Variants in TMEM117 observed in about 807,000 individuals in gnomAD.
The protein encoded by TMEM117 is transmembrane protein 117.
A neutral mutation model predicts 52.4 loss-of-function variants in TMEM117; 27 were observed. The observed-to-expected ratio is 0.51, with a 90% CI of 0.38 to 0.71. TMEM117 has a LOEUF of 0.71. Among genes scored for constraint, TMEM117 ranks in the 30% least tolerant of loss-of-function variants. The pLI is 0.00. For missense variants in TMEM117, 556 were observed against 630.5 expected (o/e 0.88, Z 1.26); for synonymous variants, 215 against 206.3 (o/e 1.04, Z -0.36).
Position 43,839,587 on chromosome 12 carries a change from C to T in TMEM117, c.-29+3391C>T, listed in dbSNP as rs1010934549. Among the ~76,000 whole-genome samples, 82 of 152,172 alleles carry T rather than the reference C, an allele frequency of 5.4e-4. 2 individuals carry two copies. The highest frequency in any genetic ancestry group is 5.9e-5 in the Non-Finnish European group (4 of 68,042). On this transcript the variant is annotated intron_variant, in intron 1 of 7. Coordinates refer to ENST00000266534, the MANE Select transcript of TMEM117 (RefSeq NM_032256.3). ...ACCTTATAATGAGGTCTTCAACTTC[C>T]CTCACACCTGACACTCCCTGTTAAC...
chr12:43,827,883 G>A, the TMEM117 span, among the ~76,000 whole-genome samples: 2 of 152,170 alleles, frequency 1.3e-5, no homozygotes, highest in African/African-American at 2.4e-5. Context: ...GCCTTTCTAA[G>A]AGAAGATAGA....
Position 43,992,793 on chromosome 12 carries a change from T to C in TMEM117, c.410+48451T>C, listed in dbSNP as rs73286234. Among the ~76,000 whole-genome samples the C allele has an allele frequency of 5.9e-3, 906 of 152,286 alleles. 11 individuals are homozygous for C. The highest frequency in any genetic ancestry group is 0.021 in the African/African-American group (853 of 41,566). On this transcript the variant is annotated intron_variant, in intron 3 of 7. Coordinates refer to ENST00000266534, the MANE Select transcript of TMEM117 (RefSeq NM_032256.3). ...CTTTCCTCAGGCTATGTTCGACTCA[T>C]CATTCAAGGTTTGGTTTATATGCCA...
chr12:43,922,122 A>T (rs4238093), intron 2 of TMEM117, among the ~76,000 whole-genome samples: 2 of 151,972 alleles, frequency 1.3e-5, no homozygotes, highest in Non-Finnish European at 1.5e-5. Flanking sequence ...AGTGAGTCAG[A>T]TATGTCTTAC....
the TMEM117 span, chr12:43,800,442 G>C: frequency 6.2e-7 from 1 of 1,611,472 alleles, no homozygotes; most frequent in Non-Finnish European, 8.5e-7. Flanking sequence ...TACCTTTACT[G>C]TTCCAAATAC....
intron 3 of TMEM117, among the ~76,000 whole-genome samples, chr12:44,126,878 C>T (rs754657488): frequency 6.6e-6 from 1 of 152,154 alleles, no homozygotes; most frequent in Non-Finnish European, 1.5e-5. Flanking sequence ...ATAAATAATT[C>T]TAGTGCAGGA....
At chr12:43,987,820 T>C (rs890300700) in intron 3 of TMEM117, among the ~76,000 whole-genome samples, 1 of 152,196 alleles carries the variant, frequency 6.6e-6, no homozygotes, top group Non-Finnish European at 1.5e-5. Context: ...TTCTGAGCTC[T>C]GTAATATCTG....
At chr12:43,858,201 T>A (rs188988400) in intron 2 of TMEM117, among the ~76,000 whole-genome samples, 1 of 152,334 alleles carries the variant, frequency 6.6e-6, no homozygotes, top group Non-Finnish European at 1.5e-5. Flanking sequence ...ACAGGGTTGA[T>A]CTGCCTGCCT....
At chr12:44,314,411 G>A (rs1951028544) in intron 6 of TMEM117, among the ~76,000 whole-genome samples, 1 of 152,058 alleles carries the variant, frequency 6.6e-6, no homozygotes, top group African/African-American at 2.4e-5. Flanking sequence ...TTAGTTTTGT[G>A]TGTTGAACCA....
chr12:43,965,119 A>G (rs1945464096), intron 3 of TMEM117, among the ~76,000 whole-genome samples: 1 of 152,236 alleles, frequency 6.6e-6, no homozygotes, highest in South Asian at 2.1e-4. Flanking sequence ...GTAATGTTAC[A>G]GTGTGAGTGA....
At chr12:44,000,820 G>T (rs1056844119) in intron 3 of TMEM117, among the ~76,000 whole-genome samples, 13 of 152,206 alleles carry the variant, frequency 8.5e-5, no homozygotes, top group Non-Finnish European at 1.6e-4. Context: ...GGGCTGAGTT[G>T]CAGAGGGCCA....
chr12:44,061,177 G>A (rs888090063), intron 3 of TMEM117, among the ~76,000 whole-genome samples: 1 of 152,180 alleles, frequency 6.6e-6, no homozygotes, highest in Non-Finnish European at 1.5e-5. Flanking sequence ...AAACAGCAGA[G>A]GACATATATT....
At chr12:43,807,680 T>C in the TMEM117 span, among the ~76,000 whole-genome samples, 1 of 152,322 alleles carries the variant, frequency 6.6e-6, no homozygotes, top group Admixed American at 6.5e-5. Flanking sequence ...TCCATATTCG[T>C]GCTTGGGAAA....
intron 3 of TMEM117, among the ~76,000 whole-genome samples, chr12:44,129,753 A>C (rs193038981): frequency 1.2e-4 from 19 of 152,338 alleles, no homozygotes; most frequent in Non-Finnish European, 2.5e-4. Context: ...AAGCTTAGTC[A>C]GTTAGAATGC....
At chr12:44,361,590 A>G (rs1291528297) in intron 6 of TMEM117, among the ~76,000 whole-genome samples, 1 of 152,146 alleles carries the variant, frequency 6.6e-6, no homozygotes, top group Non-Finnish European at 1.5e-5. Flanking sequence ...TCAAACAACC[A>G]AATGGTTTTT....
intron 3 of TMEM117, among the ~76,000 whole-genome samples, chr12:44,081,454 A>G (rs2138014119): frequency 6.6e-6 from 1 of 152,264 alleles, no homozygotes; most frequent in Middle Eastern, 3.4e-3. Context: ...AGGCAGTATT[A>G]AACATATATG....
At chr12:43,954,735 C>T (rs1274641669) in intron 3 of TMEM117, among the ~76,000 whole-genome samples, 1 of 152,196 alleles carries the variant, frequency 6.6e-6, no homozygotes, top group Non-Finnish European at 1.5e-5. Context: ...TCTTCTGAAA[C>T]TATTCCAAAC....
rs1478578521 is a variant in TMEM117, at chr12:44,211,298, T to C, written c.519T>C (p.Asp173=). The change falls in exon 5 of 8, where the codon GAT becomes GAC. Residue 173 remains aspartate, a synonymous_variant. Transcript: ENST00000266534. ...GDFVTAWMVT[D]MMLQDKPYPD... is the part of the protein sequence containing the mutation. Reference sequence around the variant, plus strand: ...TCCTTTCATTGCTTCAGGTCACTGATATGATGCTTCAGGACAAACCCTATC... The same window carrying C: ...TCCTTTCATTGCTTCAGGTCACTGACATGATGCTTCAGGACAAACCCTATC... 6.2e-7 allele frequency: 1 copy of C among 1,609,724 alleles called. No individual in the cohort carries two copies. Among genetic ancestry groups the C allele is most frequent in the Non-Finnish European group, 8.5e-7 (1 of 1,177,950 alleles).
chr12:44,249,404 G>A (rs1950170586), intron 5 of TMEM117, among the ~76,000 whole-genome samples: 1 of 152,084 alleles, frequency 6.6e-6, no homozygotes, highest in Non-Finnish European at 1.5e-5. Context: ...TCATGAAAAT[G>A]GATATACTCT....
chr12:44,277,516 C>T (rs1950528896), intron 5 of TMEM117, among the ~76,000 whole-genome samples: 1 of 152,054 alleles, frequency 6.6e-6, no homozygotes, highest in African/African-American at 2.4e-5. Flanking sequence ...TGTCTGCTGA[C>T]TATTTTAATA....
Sources: gnomAD v4.1 joint callset for allele counts (sites outside exome capture counted in the v4.1 genomes callset) on GRCh38, gnomAD v4.1.1 for gene constraint, MANE v1.5 for transcripts, NCBI Gene and HGNC (gene_info 2026-07-23, HGNC 2026-07-21) for gene names.